WDR7: variants seen among roughly 807,000 people sequenced by gnomAD.
The protein encoded by WDR7 is WD repeat-containing protein 7.
WDR7 carries 46 observed loss-of-function variants against 169.4 expected under a neutral mutation model. The observed-to-expected ratio is 0.27, with a 90% CI of 0.21 to 0.35. The LOEUF is 0.35. Among genes scored for constraint, WDR7 ranks in the 10% least tolerant of loss-of-function variants. WDR7 has a pLI of 1.00. For synonymous variants in WDR7, 612 were observed against 666.8 expected (o/e 0.92, Z 1.27); for missense variants, 1,534 against 1,859.3 (o/e 0.83, Z 3.22).
At chr18:56,933,219 C>T (rs536536127) in intron 22 of WDR7, among the ~76,000 whole-genome samples, 1 of 152,262 alleles carries the variant, frequency 6.6e-6, no homozygotes, top group South Asian at 2.1e-4. Context: ...AACACCTTCC[C>T]TATTATTGTA....
intron 22 of WDR7, among the ~76,000 whole-genome samples, chr18:56,924,823 T>C (rs368910504): frequency 6.6e-6 from 1 of 152,212 alleles, no homozygotes; most frequent in Admixed American, 6.5e-5. Flanking sequence ...CATCTTAAAG[T>C]CTATAATTCA....
chr18:56,947,976 G>A (rs933471083), intron 25 of WDR7, among the ~76,000 whole-genome samples: 11 of 152,082 alleles, frequency 7.2e-5, no homozygotes, highest in African/African-American at 7.2e-5. Flanking sequence ...GTAAGTTTAC[G>A]GTGATTGTAT....
chr18:56,911,384 C>T (rs941320663), intron 21 of WDR7, among the ~76,000 whole-genome samples: 2 of 152,190 alleles, frequency 1.3e-5, no homozygotes, highest in African/African-American at 4.8e-5. Context: ...GAGAAACGGG[C>T]AGCAGAGTGA....
At chr18:56,927,855 G>A (rs1418817851) in intron 22 of WDR7, among the ~76,000 whole-genome samples, 1 of 152,154 alleles carries the variant, frequency 6.6e-6, no homozygotes, top group Non-Finnish European at 1.5e-5. Context: ...GACAGTTGCA[G>A]TCTTACAGGA....
chr18:57,012,744 A>G (rs1255168054), intron 26 of WDR7, among the ~76,000 whole-genome samples: 15 of 152,194 alleles, frequency 9.9e-5, no homozygotes, highest in Non-Finnish European at 8.8e-5. Context: ...AGCTACGGAA[A>G]TTGAAGATCC....
At chr18:56,738,134 T>C (rs1378056128) in intron 14 of WDR7, among the ~76,000 whole-genome samples, 2 of 152,116 alleles carry the variant, frequency 1.3e-5, no homozygotes, top group South Asian at 2.1e-4. Flanking sequence ...AGAGGGGAAA[T>C]ACATTTTCTC....
At chr18:57,016,060 T>C (rs957903024) in intron 26 of WDR7, among the ~76,000 whole-genome samples, 2 of 152,156 alleles carry the variant, frequency 1.3e-5, no homozygotes. Context: ...AATTGTGTTT[T>C]TCGAGATTTC....
intron 16 of WDR7, among the ~76,000 whole-genome samples, chr18:56,766,724 T>C (rs1008602426): frequency 3.3e-5 from 5 of 151,992 alleles, no homozygotes; most frequent in African/African-American, 1.2e-4. Context: ...CAGACATTGT[T>C]ATATGTGTCC....
chr18:56,938,414 A>G (rs1417787207), intron 23 of WDR7, 119 bp from the exon 24 acceptor site: 18 of 1,265,746 alleles, frequency 1.4e-5, no homozygotes, highest in Non-Finnish European at 1.9e-5. Context: ...GTATTTTCTG[A>G]CTCACCCACA....
At chr18:56,721,026 A>G (rs2026308578) in intron 13 of WDR7, among the ~76,000 whole-genome samples, 2 of 151,912 alleles carry the variant, frequency 1.3e-5, no homozygotes, top group African/African-American at 4.8e-5. Context: ...GACATTATTT[A>G]TTTATTAAAT....
intron 25 of WDR7, among the ~76,000 whole-genome samples, chr18:56,961,193 C>T (rs77885122): frequency 0.015 from 2,249 of 152,154 alleles, 16 homozygotes; most frequent in African/African-American, 0.027. Flanking sequence ...CAGAATATCC[C>T]TGGTTTCAGA....
chr18:56,731,591 T>G lies in WDR7; in HGVS notation c.1983T>G (p.Ser661=), dbSNP rs749150553. ...CTAACCTCTTGGCTTCTGAGGCATC[T>G]GACAAGGTAAGTTTTATATGTGGGC... The part of the protein sequence containing the change: ...LATNLLASEA[S]DKGNLPKYSH... Residue 661 remains serine, a synonymous_variant, in exon 14 of 28, where the codon TCT becomes TCG. Transcript: ENST00000254442. The G allele has an allele frequency of 6.2e-7, 1 of 1,613,770 alleles. No homozygotes were observed. Among genetic ancestry groups the G allele is most frequent in the South Asian group, 1.1e-5 (1 of 91,064 alleles).
chr18:56,961,553 T>C (rs2047339985), intron 25 of WDR7, among the ~76,000 whole-genome samples: 1 of 152,118 alleles, frequency 6.6e-6, no homozygotes, highest in South Asian at 2.1e-4. Flanking sequence ...GATATAAAAT[T>C]ATACCTTATT....
chr18:56,674,539 C>G (rs1032424833), intron 2 of WDR7, among the ~76,000 whole-genome samples: 1 of 151,962 alleles, frequency 6.6e-6, no homozygotes, highest in Non-Finnish European at 1.5e-5. Context: ...ATTATTGAAT[C>G]GTAAAAATTC....
chr18:56,953,285 A>G lies in WDR7; in HGVS notation c.4065-9145A>G, dbSNP rs377153480. The stretch of plus-strand genomic sequence containing the variant: ...TGAAAAATCAATAGAAACTTCAGTC[A>G]TATTTAATGTTGATATTTATAACAC... On this transcript the variant is annotated intron_variant, in intron 25 of 27. Coordinates refer to ENST00000254442, the MANE Select transcript of WDR7 (RefSeq NM_015285.3). Among the ~76,000 whole-genome samples, 3 of 152,358 alleles carry G rather than the reference A, an allele frequency of 2.0e-5. No homozygotes were observed. The South Asian group carries it at 6.2e-4, about 32-fold the overall frequency.
At chr18:56,836,966 G>A (rs2045406424) in intron 20 of WDR7, among the ~76,000 whole-genome samples, 1 of 152,024 alleles carries the variant, frequency 6.6e-6, no homozygotes, top group Non-Finnish European at 1.5e-5. Flanking sequence ...ACTTCTCAGA[G>A]CTGTGACTGA....
chr18:56,693,420 G>C (rs1302981008), intron 9 of WDR7, among the ~76,000 whole-genome samples: 1 of 152,126 alleles, frequency 6.6e-6, no homozygotes, highest in East Asian at 1.9e-4. Flanking sequence ...GTTCCTGGTA[G>C]CTGGTAGCTA....
chr18:56,820,348 A>AAC (rs2045069535), intron 20 of WDR7, among the ~76,000 whole-genome samples: 1 of 144,482 alleles, frequency 6.9e-6, no homozygotes, highest in Admixed American at 7.0e-5. Flanking sequence ...TCAAAAAAAA[A>AAC]AAAAAAAAAA....
At chr18:56,995,127 T>C (rs904528106) in intron 26 of WDR7, among the ~76,000 whole-genome samples, 1 of 152,194 alleles carries the variant, frequency 6.6e-6, no homozygotes, top group Non-Finnish European at 1.5e-5. Flanking sequence ...GCTAAGGATA[T>C]TAAATTCTGA....
Sources: gnomAD v4.1 joint callset for allele counts (sites outside exome capture counted in the v4.1 genomes callset) on GRCh38, gnomAD v4.1.1 for gene constraint, MANE v1.5 for transcripts, NCBI Gene and HGNC (gene_info 2026-07-23, HGNC 2026-07-21) for gene names.